The following LRRIQ1 variants were observed in gnomAD, a reference collection of about 807,000 sequenced individuals.
LRRIQ1 encodes leucine rich repeats and IQ motif containing 1.
LRRIQ1 carries 210 observed loss-of-function variants against 211.9 expected under a neutral mutation model. The ratio of observed to expected loss-of-function variants is 0.99; its 90% CI spans 0.89 to 1.11. The LOEUF (loss-of-function observed/expected upper bound fraction) is 1.11, where lower values mean the gene tolerates loss of function less well. Ranked by LOEUF, LRRIQ1 falls within the 50% of genes most tolerant of loss-of-function variation. LRRIQ1 has a pLI of 0.00. For synonymous variants in LRRIQ1, 699 were observed against 650.1 expected (o/e 1.08, Z -1.14); for missense variants, 2,136 against 1,939.5 (o/e 1.10, Z -1.90).
intron 6 of LRRIQ1, 68 bp from the exon 7 acceptor site, chr12:85,052,109 T>C: frequency 1.1e-6 from 1 of 873,966 alleles, no homozygotes; most frequent in Non-Finnish European, 1.7e-6. Flanking sequence ...GTTATGAGAA[T>C]CATATATAAT....
chr12:85,075,525 T>A (rs1157891622), intron 11 of LRRIQ1, among the ~76,000 whole-genome samples: 1 of 151,884 alleles, frequency 6.6e-6, no homozygotes, highest in Non-Finnish European at 1.5e-5. Flanking sequence ...CAGAATGTGG[T>A]GGTGGTGGGG....
rs979222506 is a variant in LRRIQ1 at position 85,153,942 on chromosome 12, A to G, written c.4638-70A>G. On this transcript the variant is annotated intron_variant, in intron 22 of 26. Transcript: ENST00000393217. ...TGCTATAATTCAGATATGCATGTCT[A>G]TTTTTATATGCATATCTAAATATGA... The G allele has an allele frequency of 5.4e-6, 6 of 1,116,324 alleles. No homozygotes were observed. The Admixed American group carries it at 1.5e-4, about 27-fold the overall frequency. The allele number at this position is 1,116,324 out of a possible 1,614,324, so 69.2% of individuals were successfully genotyped here. A position where few individuals can be genotyped will look rare whatever the true frequency, so the allele number is the denominator to read the frequency against.
At chr12:85,127,733 G>A in intron 17 of LRRIQ1, 99 bp from the exon 18 acceptor site, 2 of 931,552 alleles carry the variant, frequency 2.1e-6, no homozygotes, top group Admixed American at 2.5e-5. Flanking sequence ...TACTTTATGT[G>A]TTCTTTGTTT....
chr12:85,144,160 G>T (rs2136607668), intron 19 of LRRIQ1, among the ~76,000 whole-genome samples: 1 of 151,686 alleles, frequency 6.6e-6, no homozygotes, highest in Non-Finnish European at 1.5e-5. Flanking sequence ...GTGAGAACAT[G>T]CAGTATTTGG....
intron 14 of LRRIQ1, among the ~76,000 whole-genome samples, chr12:85,105,745 G>C (rs910262571): frequency 2.7e-5 from 4 of 149,892 alleles, no homozygotes; most frequent in African/African-American, 9.8e-5. Flanking sequence ...TTCCTGCCGG[G>C]CTTAGTTTTA....
intron 10 of LRRIQ1, among the ~76,000 whole-genome samples, chr12:85,071,218 C>T (rs1315902638): frequency 2.6e-5 from 4 of 151,800 alleles, no homozygotes; most frequent in South Asian, 2.1e-4. Context: ...ATATATAATA[C>T]GTAAAACATA....
rs368481987 is a variant in LRRIQ1, at chr12:85,099,889, A to G, written c.3209+895A>G. Among the ~76,000 whole-genome samples the G allele has an allele frequency of 5.3e-5, 8 of 151,950 alleles. No homozygotes were observed. In the East Asian group the frequency reaches 1.5e-3, roughly 29 times the overall value. On this transcript the variant is annotated intron_variant, in intron 13 of 26. Transcript: ENST00000393217. ...TTCCACCTATTACAATTTGACATTG[A>G]AAAACAAATATGTATTCAAAAAATC...
chr12:85,247,996 C>T (rs1250665403), downstream of LRRIQ1, among the ~76,000 whole-genome samples: 1 of 151,640 alleles, frequency 6.6e-6, no homozygotes, highest in Non-Finnish European at 1.5e-5. Flanking sequence ...ATTACATTCT[C>T]ATTCAAAAAT....
chr12:85,161,853 A>G (rs558281500), intron 24 of LRRIQ1, among the ~76,000 whole-genome samples: 45 of 152,202 alleles, frequency 3.0e-4, no homozygotes, highest in African/African-American at 1.1e-3. Flanking sequence ...ATCCTGGCTA[A>G]CACGGTGAAA....
At chr12:85,202,085 A>T (rs1426441772) in intron 24 of LRRIQ1, among the ~76,000 whole-genome samples, 1 of 151,938 alleles carries the variant, frequency 6.6e-6, no homozygotes, top group South Asian at 2.1e-4. Context: ...TAATTATGTA[A>T]TTTTGAGTGA....
In LRRIQ1 at chr12:85,044,098, G is replaced by T. The variant is rs140698759; in HGVS notation, c.245-620G>T. Among the ~76,000 whole-genome samples, 1,008 of 152,038 alleles carry T rather than the reference G, an allele frequency of 6.6e-3. 16 individuals carry two copies. Among genetic ancestry groups the T allele is most frequent in the African/African-American group, 0.023 (950 of 41,490 alleles). On this transcript the variant is annotated intron_variant, in intron 3 of 26. Coordinates refer to ENST00000393217, the MANE Select transcript of LRRIQ1 (RefSeq NM_001079910.2). ...TGTTAAAAGAAAATCTATAATATCT[G>T]ACAAAATAGGTGTGAATAATCAGTT...
In LRRIQ1 at chr12:85,098,922, GC is replaced by G; in HGVS notation, c.3138del (p.Ser1046ArgfsTer26). The G allele has an allele frequency of 6.4e-7, 1 of 1,572,346 alleles. No homozygotes were observed. The highest frequency in any genetic ancestry group is 8.6e-7 in the Non-Finnish European group (1 of 1,156,128). Reference protein sequence around the residue: ...LLRELHLDDNSISTVEAFSSY... With the variant: ...LLRELHLDDNXISTVEAFSSY... ...AGAGAATTGCACTTGGATGATAACAGCATTTCAACTGTGGAAGCATTTTCTT... is the reference window on the plus strand; with the variant it reads ...AGAGAATTGCACTTGGATGATAACAGATTTCAACTGTGGAAGCATTTTCTT... On this transcript the variant is annotated frameshift_variant, in exon 13 of 27. Transcript: ENST00000393217. LOFTEE classifies it high-confidence loss of function.
intron 23 of LRRIQ1, among the ~76,000 whole-genome samples, chr12:85,156,465 A>G (rs1358118316): frequency 1.3e-5 from 2 of 151,820 alleles, no homozygotes; most frequent in African/African-American, 4.8e-5. Flanking sequence ...TTCATTTTGT[A>G]TCTGTGAGCA....
intron 8 of LRRIQ1, among the ~76,000 whole-genome samples, chr12:85,060,545 C>CACTTCT (rs1881671450): frequency 6.6e-6 from 1 of 151,818 alleles, no homozygotes; most frequent in Non-Finnish European, 1.5e-5. Context: ...CAAGAAGTCT[C>CACTTCT]ACTTCTCTTA....
intron 15 of LRRIQ1, among the ~76,000 whole-genome samples, chr12:85,112,032 A>C (rs538069957): frequency 2.6e-4 from 39 of 152,170 alleles, no homozygotes; most frequent in South Asian, 2.1e-3. Flanking sequence ...ATTAATTAGC[A>C]TACATTAGAT....
chr12:85,140,135 CAAAACTG>C (rs1316640021), intron 19 of LRRIQ1, among the ~76,000 whole-genome samples: 2 of 151,210 alleles, frequency 1.3e-5, no homozygotes, highest in African/African-American at 2.4e-5. Context: ...CAATGTTTTT[CAAAACTG>C]AATTTAATTT....
At chr12:85,118,742 C>T (rs923371819) in intron 15 of LRRIQ1, among the ~76,000 whole-genome samples, 1 of 152,038 alleles carries the variant, frequency 6.6e-6, no homozygotes, top group Non-Finnish European at 1.5e-5. Flanking sequence ...TCAGACTATA[C>T]AATCTAGGTA....
intron 24 of LRRIQ1, among the ~76,000 whole-genome samples, chr12:85,199,253 A>G (rs1202460104): frequency 6.6e-6 from 1 of 151,990 alleles, no homozygotes; most frequent in Non-Finnish European, 1.5e-5. Context: ...TATGTTTTAC[A>G]TTTAAGTTTC....
chr12:85,151,081 T>A (rs1052093317), intron 19 of LRRIQ1, among the ~76,000 whole-genome samples: 6 of 151,452 alleles, frequency 4.0e-5, no homozygotes, highest in African/African-American at 1.2e-4. Context: ...CTCATATAAC[T>A]GACAAATAGC....
Sources: gnomAD v4.1 joint callset for allele counts (sites outside exome capture counted in the v4.1 genomes callset) on GRCh38, gnomAD v4.1.1 for gene constraint, MANE v1.5 for transcripts, NCBI Gene and HGNC (gene_info 2026-07-23, HGNC 2026-07-21) for gene names.